Variants in DACH2 observed in about 807,000 individuals in gnomAD.
DACH2 encodes the protein dachshund family transcription factor 2.
In DACH2, 17 loss-of-function variants were observed where a neutral mutation model predicts 35.8. The ratio of observed to expected loss-of-function variants is 0.48; its 90% CI spans 0.33 to 0.71. The LOEUF (loss-of-function observed/expected upper bound fraction) is 0.71, where lower values mean the gene tolerates loss of function less well. Ranked by LOEUF, DACH2 falls within the 30% of genes least tolerant of loss-of-function variation. DACH2 has a pLI of 0.02. For missense variants in DACH2, 469 were observed against 472.7 expected (o/e 0.99, Z 0.07); for synonymous variants, 195 against 177.3 (o/e 1.10, Z -0.79).
intron 7 of DACH2, among the ~76,000 whole-genome samples, chrX:86,744,904 T>C (rs917422275): frequency 9.0e-6 from 1 of 111,482 alleles, no homozygotes; most frequent in African/African-American, 3.3e-5. Flanking sequence ...TTACGGCTAT[T>C]CACTCTACTT....
chrX:86,384,378 C>T (rs185563782), intron 2 of DACH2, among the ~76,000 whole-genome samples: 43 of 111,718 alleles, frequency 3.8e-4, no homozygotes, highest in African/African-American at 1.3e-3. Flanking sequence ...TTTGAAAAGG[C>T]AAGGCATTGT....
intron 1 of DACH2, among the ~76,000 whole-genome samples, chrX:86,362,610 C>T (rs2035754060): frequency 9.0e-6 from 1 of 111,117 alleles, no homozygotes; most frequent in Admixed American, 9.6e-5. Flanking sequence ...ATTCCTAATT[C>T]CATGGCATTC....
At chrX:86,240,756 G>C (rs2033149516) in intron 1 of DACH2, among the ~76,000 whole-genome samples, 1 of 110,555 alleles carries the variant, frequency 9.0e-6, no homozygotes, top group Admixed American at 9.7e-5. Flanking sequence ...GGAGGTGATT[G>C]GATCATGGGG....
chrX:86,375,886 T>G (rs1331260259), intron 1 of DACH2, among the ~76,000 whole-genome samples: 1 of 110,358 alleles, frequency 9.1e-6, no homozygotes, highest in Non-Finnish European at 1.9e-5. Flanking sequence ...GTAGTGGGCA[T>G]TATAGGAAGA....
intron 3 of DACH2, among the ~76,000 whole-genome samples, chrX:86,556,795 T>TATAG (rs1232719385): frequency 4.0e-4 from 10 of 25,288 alleles, no homozygotes; most frequent in East Asian, 1.8e-3. Flanking sequence ...TATATATATA[T>TATAG]AGAGAGAGAG....
chrX:86,548,738 C>T (rs2039008250), intron 3 of DACH2, among the ~76,000 whole-genome samples: 1 of 112,136 alleles, frequency 8.9e-6, no homozygotes, highest in African/African-American at 3.2e-5. Context: ...TGTCTATCAA[C>T]TTCTTTATTT....
In DACH2 at chrX:86,309,539, G is replaced by T. The variant is rs1199743565; in HGVS notation, c.489-67285G>T. On this transcript the variant is annotated intron_variant, in intron 1 of 11. Coordinates refer to ENST00000373125, the MANE Select transcript of DACH2 (RefSeq NM_053281.3). ...TTTGCTTCCAGAAGATATCACACTGGTCCATTACATTGATGACATTATGCT... is the reference window on the plus strand; with the variant it reads ...TTTGCTTCCAGAAGATATCACACTGTTCCATTACATTGATGACATTATGCT... 2.7e-5 allele frequency among the ~76,000 whole-genome samples: 3 copies of T among 111,579 alleles called. No homozygotes were observed. In the East Asian group the frequency reaches 8.5e-4, roughly 31 times the overall value.
At chrX:86,399,615 G>T (rs2036379792) in intron 2 of DACH2, among the ~76,000 whole-genome samples, 1 of 111,175 alleles carries the variant, frequency 9.0e-6, no homozygotes, top group South Asian at 3.8e-4. Context: ...GTCTGTAAAG[G>T]ATTTTATTTC....
chrX:86,493,884 A>G (rs1248206957), intron 2 of DACH2, among the ~76,000 whole-genome samples: 2 of 112,248 alleles, frequency 1.8e-5, no homozygotes, highest in East Asian at 5.6e-4. Context: ...CAATTGCTAG[A>G]GACCTTTTCA....
At chrX:86,419,159 G>A (rs1240766905) in intron 2 of DACH2, among the ~76,000 whole-genome samples, 4 of 111,498 alleles carry the variant, frequency 3.6e-5, no homozygotes, top group African/African-American at 1.3e-4. Flanking sequence ...ACATTTTCTT[G>A]TCTTCTTCTG....
chrX:86,393,341 C>G (rs149384554), intron 2 of DACH2, among the ~76,000 whole-genome samples: 36 of 111,849 alleles, frequency 3.2e-4, no homozygotes, highest in East Asian at 3.1e-3. Flanking sequence ...CAACTAGATT[C>G]TTTGATTACG....
chrX:86,653,206 G>T (rs1486511497), intron 4 of DACH2, among the ~76,000 whole-genome samples: 1 of 112,072 alleles, frequency 8.9e-6, no homozygotes, highest in Admixed American at 9.5e-5. Flanking sequence ...TCCATTGCTT[G>T]TTTTTGTCAG....
At chrX:86,786,427 T>A (rs1278560415) in intron 7 of DACH2, among the ~76,000 whole-genome samples, 1 of 111,888 alleles carries the variant, frequency 8.9e-6, no homozygotes, top group Non-Finnish European at 1.9e-5. Context: ...ACGAGCCATA[T>A]GCCTTTGTGT....
chrX:86,324,783 T>G (rs2035082543), intron 1 of DACH2, among the ~76,000 whole-genome samples: 1 of 108,432 alleles, frequency 9.2e-6, no homozygotes, highest in Non-Finnish European at 1.9e-5. Flanking sequence ...TTCACTGTGT[T>G]AGCCAGGATG....
At chrX:86,556,703 T>C (rs2039124198) in intron 3 of DACH2, among the ~76,000 whole-genome samples, 1 of 93,021 alleles carries the variant, frequency 1.1e-5, no homozygotes, top group Admixed American at 1.3e-4. Flanking sequence ...TAAAATTAGG[T>C]GAGAGATGTG....
In DACH2 at chrX:86,194,197, A is replaced by G. The variant is rs146608397; in HGVS notation, c.488+45089A>G. On this transcript the variant is annotated intron_variant, in intron 1 of 11. Transcript: ENST00000373125. ...GACATGTTTGTTGCAAAAATGTCAAAGCCATGGGGAACTTGGTCAAAAATA... is the reference window on the plus strand; with the variant it reads ...GACATGTTTGTTGCAAAAATGTCAAGGCCATGGGGAACTTGGTCAAAAATA... Among the ~76,000 whole-genome samples, 75 of 111,969 alleles carry G rather than the reference A, an allele frequency of 6.7e-4. No homozygotes were observed. In the East Asian group the frequency reaches 0.011, roughly 17 times the overall value.
chrX:86,499,906 G>T (rs769535768), intron 2 of DACH2, among the ~76,000 whole-genome samples: 4 of 111,213 alleles, frequency 3.6e-5, no homozygotes, highest in Non-Finnish European at 7.5e-5. Flanking sequence ...GCCATGATAG[G>T]ATTTGCTGAT....
intron 1 of DACH2, among the ~76,000 whole-genome samples, chrX:86,153,809 G>A (rs775733520): frequency 2.6e-4 from 29 of 111,230 alleles, no homozygotes; most frequent in African/African-American, 8.8e-4. Context: ...TTAAATATAC[G>A]CTTCTGAATA....
chrX:86,693,657 C>A (rs1034087976), intron 4 of DACH2, among the ~76,000 whole-genome samples: 1 of 112,514 alleles, frequency 8.9e-6, no homozygotes. Context: ...GAAAAGTTTA[C>A]AACTCTCAAA....
Sources: allele counts gnomAD v4.1 joint callset (sites outside exome capture counted in the v4.1 genomes callset), GRCh38; gene constraint gnomAD v4.1.1; transcripts MANE v1.5; gene names NCBI Gene and HGNC (gene_info 2026-07-23, HGNC 2026-07-21).